The following ABTB3 variants were observed in gnomAD, a reference collection of about 807,000 sequenced individuals.
ABTB3 encodes ankyrin repeat- and BTB/POZ domain-containing protein 3.
At chr12:107,399,446 C>G in the ABTB3 span, among the ~76,000 whole-genome samples, 1 of 152,096 alleles carries the variant, frequency 6.6e-6, no homozygotes, top group Non-Finnish European at 1.5e-5. Context: ...TCTTTGAACA[C>G]CAGACTCATA....
At chr12:107,396,365 C>T in the ABTB3 span, among the ~76,000 whole-genome samples, 1 of 152,210 alleles carries the variant, frequency 6.6e-6, no homozygotes, top group Non-Finnish European at 1.5e-5. Context: ...ATCTGCTAGC[C>T]TTGAAAGCTC....
the ABTB3 span, among the ~76,000 whole-genome samples, chr12:107,399,535 C>T: frequency 6.6e-6 from 1 of 152,174 alleles, no homozygotes; most frequent in Non-Finnish European, 1.5e-5. Context: ...ATCTCCCCCT[C>T]ATTTTGGGCA....
chr12:107,414,716 C>CTTTTTTTTTTTTTTTTTTTTTT, the ABTB3 span, among the ~76,000 whole-genome samples: 2 of 144,726 alleles, frequency 1.4e-5, no homozygotes. Context: ...CTTTTCTTTT[C>CTTTTTTTTTTTTTTTTTTTTTT]TTTTTCTTTT....
the ABTB3 span, among the ~76,000 whole-genome samples, chr12:107,356,505 C>T: frequency 1.3e-5 from 2 of 152,182 alleles, no homozygotes; most frequent in East Asian, 1.9e-4. Context: ...TGCCATTCTC[C>T]GTGTGAAGCC....
At chr12:107,454,006 T>A in the ABTB3 span, among the ~76,000 whole-genome samples, 7 of 152,328 alleles carry the variant, frequency 4.6e-5, no homozygotes, top group Non-Finnish European at 7.3e-5. Flanking sequence ...AGAACTGGTT[T>A]AAGGGGAAAT....
At chr12:107,366,036 G>A in the ABTB3 span, among the ~76,000 whole-genome samples, 2 of 152,200 alleles carry the variant, frequency 1.3e-5, no homozygotes, top group South Asian at 2.1e-4. Flanking sequence ...TAGCATCACT[G>A]CCATGAGCAC....
chr12:107,492,090 T>C, the ABTB3 span, among the ~76,000 whole-genome samples: 196 of 152,146 alleles, frequency 1.3e-3, 3 homozygotes, highest in African/African-American at 4.4e-3. Context: ...GGTGAAGTCG[T>C]GGGAGAGGGA....
chr12:107,618,662 A>G, the ABTB3 span, among the ~76,000 whole-genome samples: 2 of 152,218 alleles, frequency 1.3e-5, no homozygotes, highest in African/African-American at 4.8e-5. Flanking sequence ...ACCCTGGGGC[A>G]GGAATTCAAA....
chr12:107,568,746 T>A, the ABTB3 span, among the ~76,000 whole-genome samples: 1 of 152,212 alleles, frequency 6.6e-6, no homozygotes, highest in Admixed American at 6.5e-5. Context: ...GTTATTTCTT[T>A]CTCTCAAAAT....
the ABTB3 span, among the ~76,000 whole-genome samples, chr12:107,403,720 T>A: frequency 6.6e-6 from 1 of 152,258 alleles, no homozygotes; most frequent in Non-Finnish European, 1.5e-5. Flanking sequence ...CAGGCTTAGC[T>A]GAAAGTCGCA....
chr12:107,524,447 G>A, the ABTB3 span, among the ~76,000 whole-genome samples: 2 of 152,160 alleles, frequency 1.3e-5, no homozygotes, highest in Non-Finnish European at 2.9e-5. Flanking sequence ...GTGAGATGGA[G>A]TTTGTTCTCA....
At chr12:107,319,353 G>A in the ABTB3 span, 1 of 1,558,082 alleles carries the variant, frequency 6.4e-7, no homozygotes, top group Non-Finnish European at 8.7e-7. Flanking sequence ...CTGGTGAGCC[G>A]GGCGCTGGTG....
At chr12:107,360,335 TG>T in the ABTB3 span, among the ~76,000 whole-genome samples, 1 of 152,152 alleles carries the variant, frequency 6.6e-6, no homozygotes, top group Admixed American at 6.5e-5. Flanking sequence ...GATTAGGGTA[TG>T]GACCATCTGG....
chr12:107,579,643 A>G, the ABTB3 span, among the ~76,000 whole-genome samples: 1 of 152,206 alleles, frequency 6.6e-6, no homozygotes, highest in Non-Finnish European at 1.5e-5. Context: ...TGCATTTCTC[A>G]AGGGGGCTGG....
chr12:107,420,274 G>T, the ABTB3 span, among the ~76,000 whole-genome samples: 16 of 152,082 alleles, frequency 1.1e-4, no homozygotes, highest in Non-Finnish European at 2.9e-5. Flanking sequence ...CATTCTTGGT[G>T]TATTAGTCCA....
At chr12:107,419,221 G>A in the ABTB3 span, among the ~76,000 whole-genome samples, 2 of 152,250 alleles carry the variant, frequency 1.3e-5, no homozygotes, top group South Asian at 4.1e-4. Flanking sequence ...CCACATGGCT[G>A]TGTGCAGTGG....
At chr12:107,558,509 T>C in the ABTB3 span, among the ~76,000 whole-genome samples, 1 of 152,158 alleles carries the variant, frequency 6.6e-6, no homozygotes, top group Non-Finnish European at 1.5e-5. Flanking sequence ...GCAGGTGTCA[T>C]GGGGGCCTTT....
the ABTB3 span, among the ~76,000 whole-genome samples, chr12:107,376,906 G>A: frequency 6.6e-6 from 1 of 152,126 alleles, no homozygotes. Context: ...TTCTCCATTT[G>A]AGCCCAGGCC....
chr12:107,621,187 G>A, the ABTB3 span, among the ~76,000 whole-genome samples: 5 of 152,236 alleles, frequency 3.3e-5, no homozygotes, highest in East Asian at 3.9e-4. Flanking sequence ...TCTCATTAGC[G>A]CCCATCCTTA....
Sources: allele counts gnomAD v4.1 joint callset (sites outside exome capture counted in the v4.1 genomes callset), GRCh38; gene constraint gnomAD v4.1.1; transcripts MANE v1.5; gene names NCBI Gene and HGNC (gene_info 2026-07-23, HGNC 2026-07-21).